SLC6A4: variants seen among roughly 807,000 people sequenced by gnomAD.
SLC6A4 encodes the protein sodium-dependent serotonin transporter.
SLC6A4 carries 22 observed loss-of-function variants against 73.4 expected under a neutral mutation model. That is an observed-to-expected ratio of 0.30 (90% CI 0.21 to 0.43). The LOEUF is 0.43. SLC6A4 is among the 20% of genes least tolerant of loss of function. SLC6A4 has a pLI of 1.00. For missense variants in SLC6A4, 593 were observed against 808.5 expected (o/e 0.73, Z 3.23); for synonymous variants, 270 against 315.5 (o/e 0.86, Z 1.53).
At chr17:30,231,220 G>C (rs1232995447) in intron 1 of SLC6A4, among the ~76,000 whole-genome samples, 1 of 151,968 alleles carries the variant, frequency 6.6e-6, no homozygotes, top group East Asian at 1.9e-4. Context: ...ATTTAAGGAA[G>C]AAGTATCTGG....
At chr17:30,221,590 C>T (rs1906761475) in intron 3 of SLC6A4, 26 bp downstream of exon 3, 3 of 1,595,148 alleles carry the variant, frequency 1.9e-6, no homozygotes, top group Admixed American at 3.4e-5. Context: ...GGGTCACAGC[C>T]TCTACTCGCA....
At chr17:30,222,460 C>G (rs1906795868) in intron 2 of SLC6A4, among the ~76,000 whole-genome samples, 1 of 152,178 alleles carries the variant, frequency 6.6e-6, no homozygotes, top group African/African-American at 2.4e-5. Flanking sequence ...TCACAGAGCA[C>G]CCCCTTTGTC....
chr17:30,203,083 A>T (rs961362041), intron 14 of SLC6A4, 89 bp downstream of exon 14: 3 of 1,132,588 alleles, frequency 2.6e-6, no homozygotes, highest in Non-Finnish European at 3.9e-6. Flanking sequence ...GGTGAATCTC[A>T]TTTTGAATAG....
chr17:30,209,274 C>A, intron 11 of SLC6A4, 32 bp from the exon 12 acceptor site: 1 of 1,404,492 alleles, frequency 7.1e-7, no homozygotes, highest in South Asian at 1.2e-5. Flanking sequence ...GGGTGAGGGC[C>A]CTCCAAGGAG....
intron 1 of SLC6A4, among the ~76,000 whole-genome samples, chr17:30,233,763 T>C (rs566488717): frequency 6.6e-6 from 1 of 152,348 alleles, no homozygotes; most frequent in African/African-American, 2.4e-5. Context: ...CAGACATCTT[T>C]AGAAAAAGTC....
rs1318846417 is a variant in SLC6A4 at position 30,196,473 on chromosome 17, A to T, written c.*1983T>A. The T allele has an allele frequency of 4.6e-5, 7 of 152,218 alleles. 1 individual carries two copies. The highest frequency in any genetic ancestry group is 2.6e-4 in the Admixed American group (4 of 15,274). 9.4% of individuals were successfully genotyped at this position (152,218 alleles called of 1,614,324 possible). Reference sequence around the variant, plus strand: ...ATTCTGTTTGAAAAGGTGTTTTTTTAAAAGTAGTATATTTGAACAATGTCT... The same window carrying T: ...ATTCTGTTTGAAAAGGTGTTTTTTTTAAAGTAGTATATTTGAACAATGTCT... On this transcript the variant is annotated 3_prime_UTR_variant, in exon 15 of 15. Coordinates refer to ENST00000650711, the MANE Select transcript of SLC6A4 (RefSeq NM_001045.6).
At chr17:30,216,254 G>T in intron 6 of SLC6A4, 38 bp from the exon 7 acceptor site, 1 of 793,130 alleles carries the variant, frequency 1.3e-6, no homozygotes, top group Non-Finnish European at 1.9e-6. Flanking sequence ...CTGTTCCAGG[G>T]AGGGGAGGGG....
rs767847958 is a variant in SLC6A4, at chr17:30,221,932, C to T, written c.27G>A (p.Gln9=). 3 of 1,614,164 alleles carry T rather than the reference C, an allele frequency of 1.9e-6. 1 individual carries two copies. The South Asian group carries it at 3.3e-5, about 18-fold the overall frequency. Residue 9 remains glutamine (Q), a synonymous_variant, in exon 3 of 15, where the codon CAG becomes CAA. Transcript: ENST00000650711. METTPLNS[Q]KQLSACEDGE... is the part of the protein sequence containing the mutation. ...CATCTTCACACGCTGATAGCTGCTT[C>T]TGAGAATTCAAGGGCGTCGTCTCCA...
intron 7 of SLC6A4, 152 bp downstream of exon 7, chr17:30,215,930 T>C (rs1437411621): frequency 1.3e-6 from 1 of 777,390 alleles, no homozygotes; most frequent in East Asian, 2.5e-5. Flanking sequence ...GCCTCAACTG[T>C]ACTTTAATGC....
At chr17:30,234,296 G>A (rs1365834390) in intron 1 of SLC6A4, among the ~76,000 whole-genome samples, 1 of 152,186 alleles carries the variant, frequency 6.6e-6, no homozygotes, top group Non-Finnish European at 1.5e-5. Context: ...AGAGTGTTGA[G>A]GGGACTTTTG....
intron 1 of SLC6A4, among the ~76,000 whole-genome samples, chr17:30,232,723 G>A (rs1388748395): frequency 6.6e-6 from 1 of 152,210 alleles, no homozygotes; most frequent in African/African-American, 2.4e-5. Flanking sequence ...TAGACACAGG[G>A]CTGGGAAAAC....
chr17:30,210,175 C>T (rs1030214896), intron 11 of SLC6A4, among the ~76,000 whole-genome samples: 3 of 151,622 alleles, frequency 2.0e-5, no homozygotes, highest in Non-Finnish European at 4.4e-5. Context: ...ACGTGAAGAA[C>T]GTCAGGGCAG....
Position 30,207,783 on chromosome 17 carries a change from C to T in SLC6A4, c.1599G>A (p.Pro533=), listed in dbSNP as rs747062142. 29 of 1,613,984 alleles carry T rather than the reference C, an allele frequency of 1.8e-5. No individual in the cohort carries two copies. In the Admixed American group the frequency reaches 2.2e-4, roughly 12 times the overall value. Reference sequence around the variant, plus strand: ...CCCAGCAGATCCTCCAGAACCACCCCGGGCTGAAGCCGAGCATTTCCTTCA... The same window carrying T: ...CCCAGCAGATCCTCCAGAACCACCCTGGGCTGAAGCCGAGCATTTCCTTCA... ...RDVKEMLGFS[P]GWFWRICWVA... is the part of the protein sequence containing the mutation. Residue 533 remains proline, a synonymous_variant, in exon 13 of 15, where the codon CCG becomes CCA. Transcript: ENST00000650711.
At chr17:30,219,737 T>C (rs969330746) in intron 3 of SLC6A4, among the ~76,000 whole-genome samples, 7 of 152,118 alleles carry the variant, frequency 4.6e-5, no homozygotes, top group African/African-American at 1.7e-4. Flanking sequence ...AAATACCAAG[T>C]TGGGGAATGC....
At position 30,211,138 on chromosome 17, in the gene SLC6A4, G is replaced by A. The variant is rs922228377; in HGVS notation, c.1317+174C>T. On this transcript the variant is annotated intron_variant, in intron 10 of 14. Transcript: ENST00000650711. This position sits in a 1 kb window ranked among gnomAD's most constrained non-coding sequence, Gnocchi z 4.0. ...ACCCACTTTATCCCATTAATGACTC[G>A]AATGTACCAGAGGGTGGTAAATGCC... is the stretch of plus-strand genomic sequence containing the variant. Among the ~76,000 whole-genome samples the A allele has an allele frequency of 1.3e-5, 2 of 152,174 alleles. No homozygotes were observed. The highest frequency in any genetic ancestry group is 2.9e-5 in the Non-Finnish European group (2 of 68,038).
Position 30,218,133 on chromosome 17 carries a change from G to A in SLC6A4, c.683C>T (p.Ala228Val). The A allele has an allele frequency of 6.2e-7, 1 of 1,614,104 alleles. No individual in the cohort carries two copies. The highest frequency in any genetic ancestry group is 8.5e-7 in the Non-Finnish European group (1 of 1,179,926). Residue 228 changes from alanine (A) to valine (V), a missense_variant, in exon 5 of 15, where the codon GCT becomes GTT. Ala to Val is a moderately conservative substitution (Grantham distance 64). Transcript: ENST00000650711. ...GTGCACTTACGTGTAAAATTCTTCA[G>A]CAGGGGACGTGGAATGGAGGGTCCA... is the stretch of plus-strand genomic sequence containing the variant. ...ITWTLHSTSP[A>V]EEFYTRHVLQ... is the part of the protein sequence containing the mutation.
rs1194391822 is a variant in SLC6A4, at chr17:30,212,912, CA to C, written c.1077-46del. 3.1e-6 allele frequency: 5 copies of C among 1,609,152 alleles called. No individual in the cohort carries two copies. The East Asian group carries it at 8.9e-5, about 29-fold the overall frequency. On this transcript the variant is annotated intron_variant, in intron 8 of 14. Coordinates refer to ENST00000650711, the MANE Select transcript of SLC6A4 (RefSeq NM_001045.6). ...GGGCCGCCTGAGACAGTTCCAAGAT[CA>C]GGGGTCTAAGGAGCATCTGTCCGTG...
intron 12 of SLC6A4, among the ~76,000 whole-genome samples, chr17:30,208,384 T>C (rs1486520756): frequency 5.3e-5 from 8 of 152,170 alleles, no homozygotes; most frequent in Non-Finnish European, 1.2e-4. Context: ...ATCAAGGTTC[T>C]TCTATAAAAA....
At chr17:30,220,363 C>T (rs1906708362) in intron 3 of SLC6A4, among the ~76,000 whole-genome samples, 1 of 152,170 alleles carries the variant, frequency 6.6e-6, no homozygotes, top group Admixed American at 6.5e-5. Context: ...TCACTTTTCC[C>T]CACTGCTCTG....
Sources: allele counts gnomAD v4.1 joint callset (sites outside exome capture counted in the v4.1 genomes callset), GRCh38; gene constraint gnomAD v4.1.1; non-coding constraint Gnocchi (gnomAD v3.1); transcripts MANE v1.5; gene names NCBI Gene and HGNC (gene_info 2026-07-23, HGNC 2026-07-21).